Variants in GEMIN2 observed in about 807,000 individuals in gnomAD.
The protein encoded by GEMIN2 is gem-associated protein 2.
In GEMIN2, 37 loss-of-function variants were observed where a neutral mutation model predicts 45.8. That is an observed-to-expected ratio of 0.81 (90% confidence interval 0.62 to 1.06). The LOEUF (loss-of-function observed/expected upper bound fraction) is 1.06. Ranked by LOEUF, GEMIN2 falls within the 50% of genes least tolerant of loss-of-function variation. The pLI, the probability that GEMIN2 is intolerant of heterozygous loss-of-function variation, is 0.00. For synonymous variants in GEMIN2, 101 were observed against 111.5 expected (o/e 0.91, Z 0.60); for missense variants, 335 against 321.8 (o/e 1.04, Z -0.31).
intron 9 of GEMIN2, among the ~76,000 whole-genome samples, chr14:39,134,996 A>AT (rs11460319): frequency 0.018 from 2,789 of 152,152 alleles, 88 homozygotes; most frequent in African/African-American, 0.064. Flanking sequence ...GTTTTAATAA[A>AT]TTTTTTCCTT....
chr14:39,130,179 AT>A (rs536516865), intron 7 of GEMIN2, among the ~76,000 whole-genome samples: 147 of 151,040 alleles, frequency 9.7e-4, no homozygotes, highest in South Asian at 8.0e-3. Flanking sequence ...GAAACATATA[AT>A]TTTTTTTTAT....
intron 7 of GEMIN2, 122 bp from the exon 8 acceptor site, chr14:39,131,836 A>G: frequency 1.7e-6 from 1 of 598,080 alleles, no homozygotes; most frequent in Non-Finnish European, 3.0e-6. Context: ...CCCAAACATA[A>G]TATAGTTAAA....
At chr14:39,124,898 A>G (rs2052620802) in intron 5 of GEMIN2, 94 bp from the exon 6 acceptor site, 1 of 683,704 alleles carries the variant, frequency 1.5e-6, no homozygotes, top group African/African-American at 1.8e-5. Context: ...CTTTGTTTCT[A>G]AACAACAGTG....
chr14:39,125,346 G>A (rs934452543), intron 6 of GEMIN2, among the ~76,000 whole-genome samples: 6 of 152,182 alleles, frequency 3.9e-5, no homozygotes, highest in African/African-American at 1.4e-4. Context: ...TAATCATGGT[G>A]CTAGAGTATT....
intron 7 of GEMIN2, among the ~76,000 whole-genome samples, chr14:39,130,571 A>G (rs1445159881): frequency 3.9e-5 from 6 of 152,332 alleles, no homozygotes; most frequent in Middle Eastern, 3.4e-3. Context: ...TAAACAAGAC[A>G]CTTAACATTC....
intron 5 of GEMIN2, among the ~76,000 whole-genome samples, chr14:39,124,295 T>C (rs569056564): frequency 1.3e-5 from 2 of 152,302 alleles, no homozygotes; most frequent in African/African-American, 4.8e-5. Context: ...GTGTCCTTAA[T>C]TCTTGAAAAT....
intron 6 of GEMIN2, 141 bp downstream of exon 6, chr14:39,125,177 C>T: frequency 1.8e-6 from 1 of 541,026 alleles, no homozygotes. Context: ...TTAATCCTTA[C>T]TACAACCCTC....
At chr14:39,117,270 C>CAAA (rs34024177) in intron 2 of GEMIN2, among the ~76,000 whole-genome samples, 9 of 133,472 alleles carry the variant, frequency 6.7e-5, no homozygotes, top group African/African-American at 2.0e-4. Context: ...AACTCCGTCT[C>CAAA]AAAAAAAAAA....
At chr14:39,127,175 C>T (rs947812316) in intron 6 of GEMIN2, among the ~76,000 whole-genome samples, 2 of 149,392 alleles carry the variant, frequency 1.3e-5, no homozygotes, top group African/African-American at 4.9e-5. Context: ...ACTGCAACCT[C>T]TGCCTCCTGG....
At chr14:39,131,700 T>C (rs2139356866) in intron 7 of GEMIN2, 1 of 348,716 alleles carries the variant, frequency 2.9e-6, no homozygotes, top group Middle Eastern at 8.2e-4. Context: ...CTTCCTATCA[T>C]AAGAATATCT....
chr14:39,133,761 T>C, intron 9 of GEMIN2, 42 bp downstream of exon 9: 2 of 1,077,838 alleles, frequency 1.9e-6, no homozygotes, highest in East Asian at 2.6e-5. Context: ...ATCAGTGAGG[T>C]CAGTGAGGTT....
chr14:39,122,472 G>A lies in GEMIN2; in HGVS notation c.415G>A (p.Gly139Ser), dbSNP rs2052585433. The change falls in exon 5 of 10, where the codon GGT (glycine) becomes AGT (serine). Residue 139 changes from glycine to serine, a missense_variant. Gly to Ser is a moderately conservative substitution (Grantham distance 56). Coordinates refer to ENST00000308317, the MANE Select transcript of GEMIN2 (RefSeq NM_003616.3). ...AGAAGGCTGGAAGAAATTTTGTCTG[G>A]GTGAAAAGTTATGTGCTGACGGGGC... ...DEEGWKKFCL[G>S]EKLCADGAVG... 1.2e-6 allele frequency: 2 copies of A among 1,608,546 alleles called. No individual in the cohort carries two copies. Among genetic ancestry groups the A allele is most frequent in the African/African-American group, 1.3e-5 (1 of 74,662 alleles).
chr14:39,133,445 A>G (rs1418913497), intron 8 of GEMIN2, among the ~76,000 whole-genome samples: 1 of 149,370 alleles, frequency 6.7e-6, no homozygotes, highest in East Asian at 2.0e-4. Context: ...TTTTTTCCCT[A>G]TTCAGAATCT....
In GEMIN2 at chr14:39,118,069, A is replaced by T. The variant is rs747348719; in HGVS notation, c.293A>T (p.Gln98Leu). 1.3e-6 allele frequency: 2 copies of T among 1,596,106 alleles called. No homozygotes were observed. The highest frequency in any genetic ancestry group is 1.7e-6 in the Non-Finnish European group (2 of 1,165,982). ...CAATGGCAACAGCAACAAGTGGCACAGTTTTCAACTGTTCGACAGGTAAGT... is the reference window on the plus strand; with the variant it reads ...CAATGGCAACAGCAACAAGTGGCACTGTTTTCAACTGTTCGACAGGTAAGT... ...TLQWQQQQVA[Q>L]FSTVRQNVNK... is the part of the protein sequence containing the mutation. The change falls in exon 3 of 10, where the codon CAG becomes CTG. Residue 98 changes from glutamine to leucine, a missense_variant. Physicochemically the swap from Gln to Leu is moderately radical, Grantham distance 113. Transcript: ENST00000308317.
intron 7 of GEMIN2, 56 bp downstream of exon 7, chr14:39,128,404 C>A: frequency 6.2e-6 from 5 of 812,530 alleles, no homozygotes; most frequent in South Asian, 2.8e-5. Context: ...CGTTTTGGGT[C>A]AACTGTGGGC....
At chr14:39,121,000 C>T (rs1415127706) in intron 4 of GEMIN2, among the ~76,000 whole-genome samples, 1 of 152,202 alleles carries the variant, frequency 6.6e-6, no homozygotes, top group Admixed American at 6.5e-5. Flanking sequence ...ATGCTTCTCC[C>T]AAATAGTCCT....
intron 6 of GEMIN2, among the ~76,000 whole-genome samples, chr14:39,127,778 G>A (rs2052662653): frequency 6.6e-6 from 1 of 152,060 alleles, no homozygotes; most frequent in Non-Finnish European, 1.5e-5. Flanking sequence ...TGTTTTAAAA[G>A]CCTCACTGGG....
At chr14:39,134,623 C>T (rs1270709865) in intron 9 of GEMIN2, among the ~76,000 whole-genome samples, 1 of 152,112 alleles carries the variant, frequency 6.6e-6, no homozygotes, top group Non-Finnish European at 1.5e-5. Context: ...AATTATGCTG[C>T]TGATGATAAT....
intron 9 of GEMIN2, among the ~76,000 whole-genome samples, chr14:39,135,644 T>G (rs1441807568): frequency 6.6e-6 from 1 of 151,864 alleles, no homozygotes; most frequent in Non-Finnish European, 1.5e-5. Flanking sequence ...CTCACACCTG[T>G]AAGCCCAGTG....
Sources: gnomAD v4.1 joint callset for allele counts (sites outside exome capture counted in the v4.1 genomes callset) on GRCh38, gnomAD v4.1.1 for gene constraint, MANE v1.5 for transcripts, NCBI Gene and HGNC (gene_info 2026-07-23, HGNC 2026-07-21) for gene names.